Variants in NCAPG observed in about 807,000 individuals in gnomAD.
NCAPG encodes the protein non-SMC condensin I complex subunit G, also known as condensin complex subunit 3.
Under a neutral mutation model 113.1 loss-of-function variants are expected in NCAPG, and 69 were observed. The ratio of observed to expected loss-of-function variants is 0.61; its 90% CI spans 0.50 to 0.75. NCAPG has a LOEUF of 0.75. Ranked by LOEUF, NCAPG falls within the 30% of genes least tolerant of loss-of-function variation. The pLI is 0.00. For synonymous variants in NCAPG, 370 were observed against 415.8 expected (o/e 0.89, Z 1.34); for missense variants, 1,058 against 1,177.0 (o/e 0.90, Z 1.48).
At chr4:17,840,006 G>C (rs990393159) in intron 17 of NCAPG, 65 bp from the exon 18 acceptor site, 4 of 1,531,844 alleles carry the variant, frequency 2.6e-6, no homozygotes, top group Admixed American at 4.4e-5. Flanking sequence ...GATATGTATT[G>C]GTACTATTTT....
rs571643482 is a variant in NCAPG at position 17,830,392 on chromosome 4, C to CA, written c.1765-595dup. 1.3e-3 allele frequency among the ~76,000 whole-genome samples: 168 copies of CA among 133,382 alleles called. 1 individual carries two copies. Among genetic ancestry groups the CA allele is most frequent in the Non-Finnish European group, 2.3e-3 (142 of 62,274 alleles). 87.5% of individuals were successfully genotyped at this position (133,382 alleles called of 152,430 possible). On this transcript the variant is annotated intron_variant, in intron 12 of 20. Coordinates refer to ENST00000251496, the MANE Select transcript of NCAPG (RefSeq NM_022346.5). ...TGGGTGACAGCGTGAGACTCTGTCT[C>CA]AAAAAAAAAAGAAAAGAAAAAAGAA... is the stretch of plus-strand genomic sequence containing the variant.
intron 7 of NCAPG, among the ~76,000 whole-genome samples, chr4:17,822,435 C>T (rs1375693982): frequency 1.3e-5 from 2 of 152,072 alleles, no homozygotes; most frequent in African/African-American, 4.8e-5. Flanking sequence ...TGTGGTGCAC[C>T]TGCCTCGGCC....
intron 20 of NCAPG, chr4:17,843,101 A>G: frequency 2.2e-6 from 1 of 462,476 alleles, no homozygotes; most frequent in South Asian, 3.0e-5. Context: ...ATCATTAGCT[A>G]GATTTTCCCT....
chr4:17,834,200 T>A, intron 13 of NCAPG, 99 bp from the exon 14 acceptor site: 1 of 746,112 alleles, frequency 1.3e-6, no homozygotes, highest in Non-Finnish European at 2.1e-6. Context: ...TCATTAAAAT[T>A]TGACTAAGAA....
At chr4:17,839,869 T>G in intron 17 of NCAPG, 32 bp downstream of exon 17, 9 of 1,559,966 alleles carry the variant, frequency 5.8e-6, no homozygotes, top group Non-Finnish European at 7.8e-6. Context: ...CTAAATTAGT[T>G]TGTGTTTATA....
chr4:17,819,811 C>A (rs1210590151), intron 7 of NCAPG, among the ~76,000 whole-genome samples: 1 of 152,154 alleles, frequency 6.6e-6, no homozygotes, highest in Admixed American at 6.5e-5. Flanking sequence ...AAAAGTTAGG[C>A]AGCAAAGCTG....
At position 17,842,300 on chromosome 4, in the gene NCAPG, T is replaced by TATC. The variant is rs1438926422; in HGVS notation, c.2855-9_2855-7dup. The TATC allele has an allele frequency of 1.3e-5, 21 of 1,610,234 alleles. No homozygotes were observed. Among genetic ancestry groups the TATC allele is most frequent in the Middle Eastern group, 1.6e-4 (1 of 6,070 alleles). On this transcript the variant is annotated splice_polypyrimidine_tract_variant and intron_variant, in intron 19 of 20. Coordinates refer to ENST00000251496, the MANE Select transcript of NCAPG (RefSeq NM_022346.5). ...AATAAATCCTGATAATGAATTATACTATCTTCAAGGACAGAGAAAAGTGAC... is the reference window on the plus strand; with the variant it reads ...AATAAATCCTGATAATGAATTATACTATCATCTTCAAGGACAGAGAAAAGTGAC...
intron 7 of NCAPG, 37 bp from the exon 8 acceptor site, chr4:17,822,946 T>C (rs1251741409): frequency 1.4e-5 from 22 of 1,531,598 alleles, no homozygotes; most frequent in Non-Finnish European, 1.9e-5. Flanking sequence ...TTGATGTTTC[T>C]TAAAAGATTC....
rs985574587 is a variant in NCAPG, at chr4:17,811,409, G to T, written c.111+221G>T. On this transcript the variant is annotated intron_variant, in intron 1 of 20. Transcript: ENST00000251496. This position sits in a 1 kb window ranked among gnomAD's most constrained non-coding sequence, Gnocchi z 5.3. The stretch of plus-strand genomic sequence containing the variant: ...CGAAGCCTGGGCGTCGTTCACACGG[G>T]CCCCGCCTTGGCTTTTCTGAGCCGA... Among the ~76,000 whole-genome samples the T allele has an allele frequency of 2.0e-5, 3 of 152,226 alleles. No homozygotes were observed. Among genetic ancestry groups the T allele is most frequent in the Non-Finnish European group, 4.4e-5 (3 of 68,048 alleles).
rs1720928689 is a variant in NCAPG, at chr4:17,811,279, G to GTGAC, written c.111+93_111+96dup. 1.4e-6 allele frequency: 1 copy of GTGAC among 706,396 alleles called. No homozygotes were observed. The highest frequency in any genetic ancestry group is 2.0e-5 in the African/African-American group (1 of 51,160). 43.8% of individuals were successfully genotyped at this position (706,396 alleles called of 1,614,324 possible). ...CCGTGGCCCTCGGGCTCGGCGCACC[G>GTGAC]TGACTCCAGCCTTGTTCACCTTCGC... is the stretch of plus-strand genomic sequence containing the variant. On this transcript the variant is annotated intron_variant, in intron 1 of 20. Transcript: ENST00000251496. This position sits in a 1 kb window ranked among gnomAD's most constrained non-coding sequence, Gnocchi z 5.3.
At chr4:17,824,243 A>G (rs1577338637) in intron 9 of NCAPG, among the ~76,000 whole-genome samples, 2 of 152,112 alleles carry the variant, frequency 1.3e-5, no homozygotes, top group South Asian at 2.1e-4. Context: ...ATTGTTCTGT[A>G]TTGCTTGATA....
intron 14 of NCAPG, among the ~76,000 whole-genome samples, chr4:17,836,917 T>C (rs1277897112): frequency 7.9e-5 from 12 of 152,210 alleles, no homozygotes; most frequent in African/African-American, 2.9e-4. Flanking sequence ...TAAAAAGTTT[T>C]AAGATAATTG....
intron 20 of NCAPG, 179 bp from the exon 21 acceptor site, chr4:17,843,123 C>T (rs907762656): frequency 9.1e-6 from 5 of 550,766 alleles, no homozygotes; most frequent in African/African-American, 3.8e-5. Context: ...ATTCACTTTG[C>T]TAGATAGCCA....
In NCAPG at chr4:17,823,744, A is replaced by G. The variant is rs781731155; in HGVS notation, c.1357A>G (p.Ile453Val). ...FLVERLLHII[I>V]DDNKRTQIVT... Reference sequence around the variant, plus strand: ...TGTTGAAAGACTACTCCACATCATTATAGATGATAATAAGAGAACACAAAT... The same window carrying G: ...TGTTGAAAGACTACTCCACATCATTGTAGATGATAATAAGAGAACACAAAT... The change falls in exon 9 of 21, where the codon ATA becomes GTA. Residue 453 changes from isoleucine to valine, a missense_variant. Coordinates refer to ENST00000251496, the MANE Select transcript of NCAPG (RefSeq NM_022346.5). 5 of 1,595,366 alleles carry G rather than the reference A, an allele frequency of 3.1e-6. No individual in the cohort carries two copies. The South Asian group carries it at 4.4e-5, about 14-fold the overall frequency.
In NCAPG at chr4:17,843,469, T is replaced by C; in HGVS notation, c.*44T>C. 2.5e-6 allele frequency: 4 copies of C among 1,594,026 alleles called. No homozygotes were observed. The highest frequency in any genetic ancestry group is 3.4e-6 in the Non-Finnish European group (4 of 1,168,760). On this transcript the variant is annotated 3_prime_UTR_variant, in exon 21 of 21. Transcript: ENST00000251496. ...AATCCTTTAAGATTATGTCCAGTTA[T>C]TTGCTTTAATAAAGAAGAAGTTACC...
intron 16 of NCAPG, 124 bp downstream of exon 16, chr4:17,837,925 A>G: frequency 1.1e-6 from 1 of 934,878 alleles, no homozygotes; most frequent in South Asian, 1.5e-5. Flanking sequence ...CATATACCAC[A>G]AAGCACGAAA....
At chr4:17,840,757 C>T in intron 19 of NCAPG, 64 bp downstream of exon 19, 1 of 1,088,600 alleles carries the variant, frequency 9.2e-7, no homozygotes, top group Non-Finnish European at 1.3e-6. Flanking sequence ...ATGAAAAATA[C>T]TTGTTTTGCA....
Position 17,815,313 on chromosome 4 carries a change from G to T in NCAPG, c.730G>T (p.Ala244Ser), listed in dbSNP as rs1052549274. Residue 244 changes from alanine (A) to serine (S), a missense_variant, in exon 5 of 21, where the codon GCT becomes TCT. By Grantham distance (99) the Ala-to-Ser change is moderately conservative (BLOSUM62 1). Transcript: ENST00000251496. ...GGTTCATATGAGAGCTATGTCCATT[G>T]CTCAGAGAGTAATGCTCCTTCAACA... ...EKVHMRAMSI[A>S]QRVMLLQQGL... is the part of the protein sequence containing the mutation. 4 of 1,590,880 alleles carry T rather than the reference G, an allele frequency of 2.5e-6. No individual in the cohort carries two copies. Among genetic ancestry groups the T allele is most frequent in the Non-Finnish European group, 3.4e-6 (4 of 1,174,824 alleles).
chr4:17,825,098 T>C (rs1474459113), intron 10 of NCAPG, 41 bp downstream of exon 10: 4 of 1,445,828 alleles, frequency 2.8e-6, no homozygotes, highest in Admixed American at 1.8e-5. Flanking sequence ...GAGTGTAATG[T>C]AGCTGGGCAA....
Sources: allele counts gnomAD v4.1 joint callset (sites outside exome capture counted in the v4.1 genomes callset), GRCh38; gene constraint gnomAD v4.1.1; non-coding constraint Gnocchi (gnomAD v3.1); transcripts MANE v1.5; gene names NCBI Gene and HGNC (gene_info 2026-07-23, HGNC 2026-07-21).